Variants in SHISA2 observed in about 807,000 individuals in gnomAD.
SHISA2 encodes the protein shisa family member 2.
A neutral mutation model predicts 23.8 loss-of-function variants in SHISA2; 16 were observed. The ratio of observed to expected loss-of-function variants is 0.67; its 90% CI spans 0.46 to 1.02. The LOEUF (loss-of-function observed/expected upper bound fraction) is 1.02, where lower values mean the gene tolerates loss of function less well. Ranked by LOEUF, SHISA2 falls within the 50% of genes least tolerant of loss-of-function variation. The probability of loss-of-function intolerance (pLI) is 0.00; values close to 1 mark genes in which losing one functional copy is unlikely to be tolerated. For missense variants in SHISA2, 459 were observed against 420.1 expected (o/e 1.09, Z -0.81); for synonymous variants, 201 against 178.6 (o/e 1.13, Z -1.00).
Position 26,046,752 on chromosome 13 carries a change from A to G in SHISA2, c.649T>C (p.Tyr217His). 1 of 1,614,180 alleles carries G rather than the reference A, an allele frequency of 6.2e-7. No individual in the cohort carries two copies. Among genetic ancestry groups the G allele is most frequent in the Non-Finnish European group, 8.5e-7 (1 of 1,180,036 alleles). The change falls in exon 2 of 2, where the codon TAT becomes CAT. Residue 217 changes from tyrosine (Y) to histidine (H), a missense_variant. By Grantham distance (83) the Tyr-to-His change is moderately conservative. Coordinates refer to ENST00000319420, the MANE Select transcript of SHISA2 (RefSeq NM_001007538.2). The part of the protein sequence containing the change: ...CLPEGTMNNV[Y>H]VNMPTNFSVL... ...GAGAAATTCGTGGGCATGTTGACATACACGTTGTTCATGGTCCCTTCCGGC... is the reference window on the plus strand; with the variant it reads ...GAGAAATTCGTGGGCATGTTGACATGCACGTTGTTCATGGTCCCTTCCGGC...
intron 1 of SHISA2, among the ~76,000 whole-genome samples, chr13:26,048,839 G>C (rs1375758009): frequency 7.9e-5 from 12 of 152,144 alleles, no homozygotes; most frequent in Non-Finnish European, 4.4e-5. Context: ...ATATTTCCTG[G>C]AGTTTCAATG....
Position 26,046,367 on chromosome 13 carries a change from G to C in SHISA2, c.*146C>G. 6 of 785,396 alleles carry C rather than the reference G, an allele frequency of 7.6e-6. No homozygotes were observed. Among genetic ancestry groups the C allele is most frequent in the Non-Finnish European group, 1.2e-5 (6 of 512,740 alleles). 48.7% of individuals were successfully genotyped at this position (785,396 alleles called of 1,614,324 possible). A position where few individuals can be genotyped will look rare whatever the true frequency, so the allele number is the denominator to read the frequency against. ...AAACATATCCAGAAATGCTAATTCGGAGATGTTTTCATACAGTCTGGGGGC... is the reference window on the plus strand; with the variant it reads ...AAACATATCCAGAAATGCTAATTCGCAGATGTTTTCATACAGTCTGGGGGC... On this transcript the variant is annotated 3_prime_UTR_variant, in exon 2 of 2. Transcript: ENST00000319420.
rs1373960113 is a variant in SHISA2 at position 26,045,462 on chromosome 13, G to T, written c.*1051C>A. 20 of 152,170 alleles carry T rather than the reference G, an allele frequency of 1.3e-4. No individual in the cohort carries two copies. The highest frequency in any genetic ancestry group is 1.2e-3 in the Admixed American group (19 of 15,280). The allele number at this position is 152,170 out of a possible 1,614,324, so 9.4% of individuals were successfully genotyped here. A position where few individuals can be genotyped will look rare whatever the true frequency, so the allele number is the denominator to read the frequency against. Reference sequence around the variant, plus strand: ...TCAAGAAGGGGATGAATGGTTTTATGACTATACCACCTACTACTTCAAGAT... The same window carrying T: ...TCAAGAAGGGGATGAATGGTTTTATTACTATACCACCTACTACTTCAAGAT... On this transcript the variant is annotated 3_prime_UTR_variant, in exon 2 of 2. Coordinates refer to ENST00000319420, the MANE Select transcript of SHISA2 (RefSeq NM_001007538.2).
Position 26,051,965 on chromosome 13 carries a change from G to A in SHISA2, c.-990C>T, listed in dbSNP as rs1957307826. ...GCTACGGGAGAAGCCGAGCGCAGCA[G>A]CCGCCCACAGCCTCGCCTCGCCCCG... On this transcript the variant is annotated 5_prime_UTR_variant, in exon 1 of 2. Transcript: ENST00000319420. Among the ~76,000 whole-genome samples, 1 of 84,358 alleles carries A rather than the reference G, an allele frequency of 1.2e-5. No individual in the cohort carries two copies. Among genetic ancestry groups the A allele is most frequent in the Admixed American group, 1.1e-4 (1 of 9,088 alleles). 55.3% of individuals were successfully genotyped at this position (84,358 alleles called of 152,430 possible).
rs779522832 is a variant in SHISA2 at position 26,046,500 on chromosome 13, C to T, written c.*13G>A. On this transcript the variant is annotated 3_prime_UTR_variant, in exon 2 of 2. Coordinates refer to ENST00000319420, the MANE Select transcript of SHISA2 (RefSeq NM_001007538.2). ...GTCTCCCTTCAGTAAAGGAACCCAC[C>T]AGTGACTCTCGGTTATACAGTCACC... 1 of 1,571,392 alleles carries T rather than the reference C, an allele frequency of 6.4e-7. No individual in the cohort carries two copies. Among genetic ancestry groups the T allele is most frequent in the Non-Finnish European group, 8.7e-7 (1 of 1,153,806 alleles).
rs1957268418 is a variant in SHISA2 at position 26,046,515 on chromosome 13, A to T, written c.886T>A (p.Ter296LysextTer10). The T allele has an allele frequency of 6.3e-7, 1 of 1,594,540 alleles. No individual in the cohort carries two copies. Among genetic ancestry groups the T allele is most frequent in the Admixed American group, 1.7e-5 (1 of 59,236 alleles). ...AGGAACCCACCAGTGACTCTCGGTT[A>T]TACAGTCACCGCTGGGTACATCTTC... ...EQKMYPAVTV[*>K] Residue 296 changes from the stop codon to lysine, a stop_lost, in exon 2 of 2, where the codon TAA becomes AAA. Transcript: ENST00000319420.
chr13:26,048,630 C>T (rs531610419), intron 1 of SHISA2, among the ~76,000 whole-genome samples: 10 of 152,288 alleles, frequency 6.6e-5, no homozygotes, highest in East Asian at 1.9e-4. Flanking sequence ...AAGGAGACCA[C>T]GCCTTTGAGG....
Position 26,050,824 on chromosome 13 carries a change from C to T in SHISA2, c.152G>A (p.Gly51Asp), listed in dbSNP as rs1957298055. The change falls in exon 1 of 2, where the codon GGC (glycine) becomes GAC (aspartate). Residue 51 changes from glycine (G) to aspartate (D), a missense_variant. Physicochemically the swap from Gly to Asp is moderately conservative, Grantham distance 94 (BLOSUM62 -1). Coordinates refer to ENST00000319420, the MANE Select transcript of SHISA2 (RefSeq NM_001007538.2). ...WLDAQGVWRI[G>D]FQCPERFDGG... ...GTCGAAGCGCTCGGGACACTGGAAG[C>T]CGATGCGCCAGACGCCCTGCGCGTC... 1 of 1,539,080 alleles carries T rather than the reference C, an allele frequency of 6.5e-7. No individual in the cohort carries two copies. The highest frequency in any genetic ancestry group is 2.5e-5 in the East Asian group (1 of 40,072).
Position 26,047,082 on chromosome 13 carries a change from G to A in SHISA2, c.335-16C>T, listed in dbSNP as rs1566373707. ...TAGATGGGCACTGAAGCAAAGGACA[G>A]AAACACAACATTATGATCTACTCTA... On this transcript the variant is annotated splice_polypyrimidine_tract_variant and intron_variant, in intron 1 of 1. Transcript: ENST00000319420. 1 of 1,522,094 alleles carries A rather than the reference G, an allele frequency of 6.6e-7. No individual in the cohort carries two copies. 94.3% of individuals were successfully genotyped at this position (1,522,094 alleles called of 1,614,324 possible). A position where few individuals can be genotyped will look rare whatever the true frequency, so the allele number is the denominator to read the frequency against.
At position 26,051,583 on chromosome 13, in the gene SHISA2, C is replaced by A. The variant is rs547408895; in HGVS notation, c.-608G>T. ...CATGGCTCCGGCCGGGCCGCCCGGG[C>A]AGCCCACGGGGGTGCAGCCCCGACG... On this transcript the variant is annotated 5_prime_UTR_variant, in exon 1 of 2. Transcript: ENST00000319420. Among the ~76,000 whole-genome samples the A allele has an allele frequency of 1.3e-5, 2 of 152,208 alleles. No individual in the cohort carries two copies. Among genetic ancestry groups the A allele is most frequent in the South Asian group, 2.1e-4 (1 of 4,776 alleles).
At position 26,051,014 on chromosome 13, in the gene SHISA2, C is replaced by A. The variant is rs1050453360; in HGVS notation, c.-39G>T. Reference sequence around the variant, plus strand: ...GCGCGGACAGCGCGTCTCCAGAGAGCGCAGGACGGTCTCCGAGAAGTCGTG... The same window carrying A: ...GCGCGGACAGCGCGTCTCCAGAGAGAGCAGGACGGTCTCCGAGAAGTCGTG... On this transcript the variant is annotated 5_prime_UTR_variant, in exon 1 of 2. Coordinates refer to ENST00000319420, the MANE Select transcript of SHISA2 (RefSeq NM_001007538.2). 2.8e-6 allele frequency: 4 copies of A among 1,442,770 alleles called. No individual in the cohort carries two copies. Among genetic ancestry groups the A allele is most frequent in the African/African-American group, 1.5e-5 (1 of 66,980 alleles). The allele number at this position is 1,442,770 out of a possible 1,614,324, so 89.4% of individuals were successfully genotyped here. A position where few individuals can be genotyped will look rare whatever the true frequency, so the allele number is the denominator to read the frequency against.
At chr13:26,049,702 C>G (rs183005916) in intron 1 of SHISA2, among the ~76,000 whole-genome samples, 7 of 152,280 alleles carry the variant, frequency 4.6e-5, no homozygotes, top group Non-Finnish European at 2.9e-5. Context: ...TCTATAAACA[C>G]AAACTACGCT....
At position 26,046,427 on chromosome 13, in the gene SHISA2, A is replaced by C; in HGVS notation, c.*86T>G. The C allele has an allele frequency of 5.6e-4, 770 of 1,362,962 alleles. No individual in the cohort carries two copies. Among genetic ancestry groups the C allele is most frequent in the Non-Finnish European group, 7.0e-4 (710 of 1,010,704 alleles). 84.4% of individuals were successfully genotyped at this position (1,362,962 alleles called of 1,614,324 possible). ...CATCCAAAGGAATCGTGCCATAAAT[A>C]CCACCGACATGTGCGGACTTCCACC... On this transcript the variant is annotated 3_prime_UTR_variant, in exon 2 of 2. Transcript: ENST00000319420.
rs376753634 is a variant in SHISA2, at chr13:26,050,807, G to A, written c.169C>T (p.Arg57Cys). The A allele has an allele frequency of 2.6e-6, 4 of 1,538,338 alleles. No individual in the cohort carries two copies. Among genetic ancestry groups the A allele is most frequent in the Non-Finnish European group, 3.5e-6 (4 of 1,153,188 alleles). ...ATGGTGGCGTCGCCGCCGTCGAAGCGCTCGGGACACTGGAAGCCGATGCGC... is the reference window on the plus strand; with the variant it reads ...ATGGTGGCGTCGCCGCCGTCGAAGCACTCGGGACACTGGAAGCCGATGCGC... ...VWRIGFQCPE[R>C]FDGGDATICC... The change falls in exon 1 of 2, where the codon CGC (arginine) becomes TGC (cysteine). Residue 57 changes from arginine to cysteine, a missense_variant. Coordinates refer to ENST00000319420, the MANE Select transcript of SHISA2 (RefSeq NM_001007538.2).
chr13:26,046,334 C>T lies in SHISA2; in HGVS notation c.*179G>A, dbSNP rs1164849310. ...GTTTTCCATCATAAATCAATGATAC[C>T]CTGGATGAAACATATCCAGAAATGC... On this transcript the variant is annotated 3_prime_UTR_variant, in exon 2 of 2. Transcript: ENST00000319420. 3.0e-6 allele frequency: 2 copies of T among 659,794 alleles called. No homozygotes were observed. The highest frequency in any genetic ancestry group is 4.9e-6 in the Non-Finnish European group (2 of 406,076). The allele number at this position is 659,794 out of a possible 1,614,324, so 40.9% of individuals were successfully genotyped here. A position where few individuals can be genotyped will look rare whatever the true frequency, so the allele number is the denominator to read the frequency against.
rs1306284194 is a variant in SHISA2, at chr13:26,044,783, C to T, written c.*1730G>A. ...ATGTGTAGAAGACCATACCATACAG[C>T]GATTTGTTTAATTACAAAATACTGG... On this transcript the variant is annotated 3_prime_UTR_variant, in exon 2 of 2. Transcript: ENST00000319420. 2 of 152,120 alleles carry T rather than the reference C, an allele frequency of 1.3e-5. No individual in the cohort carries two copies. Among genetic ancestry groups the T allele is most frequent in the Admixed American group, 6.5e-5 (1 of 15,280 alleles). 9.4% of individuals were successfully genotyped at this position (152,120 alleles called of 1,614,324 possible). A position where few individuals can be genotyped will look rare whatever the true frequency, so the allele number is the denominator to read the frequency against.
In SHISA2 at chr13:26,046,701, G is replaced by C. The variant is rs1326778841; in HGVS notation, c.700C>G (p.Gln234Glu). The change falls in exon 2 of 2, where the codon CAG becomes GAG. Residue 234 changes from glutamine to glutamate, a missense_variant. Transcript: ENST00000319420. ...TACTGCCCTTGATGTGGCACAATCT[G>C]GGTGGCCTGCTGACAGTTCAGCACA... Reference protein sequence around the residue: ...FSVLNCQQATQIVPHQGQYLH... With the variant: ...FSVLNCQQATEIVPHQGQYLH... 4 of 1,614,102 alleles carry C rather than the reference G, an allele frequency of 2.5e-6. No homozygotes were observed. In the African/African-American group the frequency reaches 5.3e-5, roughly 22 times the overall value.
In SHISA2 at chr13:26,051,095, G is replaced by A. The variant is rs999389810; in HGVS notation, c.-120C>T. On this transcript the variant is annotated 5_prime_UTR_variant, in exon 1 of 2. Coordinates refer to ENST00000319420, the MANE Select transcript of SHISA2 (RefSeq NM_001007538.2). ...CTGTCCCGCGGCGCTTTCCGCGCGG[G>A]CCACTCCCCTCTGCCGCGACGCCCA... 8.7e-6 allele frequency: 8 copies of A among 920,820 alleles called. No homozygotes were observed. In the African/African-American group the frequency reaches 1.1e-4, roughly 12 times the overall value. The allele number at this position is 920,820 out of a possible 1,614,324, so 57.0% of individuals were successfully genotyped here.
intron 1 of SHISA2, among the ~76,000 whole-genome samples, chr13:26,049,341 T>C (rs938065047): frequency 6.6e-6 from 1 of 152,154 alleles, no homozygotes; most frequent in African/African-American, 2.4e-5. Flanking sequence ...CGTTTAAAAG[T>C]AGCATGAAGA....
Sources: gnomAD v4.1 joint callset for allele counts (sites outside exome capture counted in the v4.1 genomes callset) on GRCh38, gnomAD v4.1.1 for gene constraint, MANE v1.5 for transcripts, NCBI Gene and HGNC (gene_info 2026-07-23, HGNC 2026-07-21) for gene names.